The following PTPRN2 variants were observed in gnomAD, a reference collection of about 807,000 sequenced individuals.
PTPRN2 encodes receptor-type tyrosine-protein phosphatase N2.
PTPRN2 carries 74 observed loss-of-function variants against 118.8 expected under a neutral mutation model. The ratio of observed to expected loss-of-function variants is 0.62; its 90% CI spans 0.52 to 0.76. PTPRN2 has a LOEUF of 0.76. PTPRN2 is among the 30% of genes least tolerant of loss of function. The pLI is 0.00. For synonymous variants in PTPRN2, 641 were observed against 608.0 expected (o/e 1.05, Z -0.80); for missense variants, 1,481 against 1,394.4 (o/e 1.06, Z -0.99).
chr7:157,737,926 G>A (rs566413719), intron 12 of PTPRN2, among the ~76,000 whole-genome samples: 136 of 152,364 alleles, frequency 8.9e-4, no homozygotes, highest in African/African-American at 3.2e-3. Flanking sequence ...GGCCAGACCT[G>A]CAGCAGCAGG....
At chr7:158,196,874 G>A (rs1356116941) in intron 4 of PTPRN2, among the ~76,000 whole-genome samples, 3 of 152,164 alleles carry the variant, frequency 2.0e-5, no homozygotes, top group Non-Finnish European at 2.9e-5. Flanking sequence ...TACAAAGGTA[G>A]ACTTATGGCT....
intron 2 of PTPRN2, among the ~76,000 whole-genome samples, chr7:158,341,498 A>G (rs1271522110): frequency 2.2e-5 from 3 of 137,518 alleles, no homozygotes; most frequent in Non-Finnish European, 3.1e-5. Flanking sequence ...AATTGGTGAC[A>G]CGTGCAGACG....
Position 158,008,120 on chromosome 7 carries a change from T to G in PTPRN2, c.1723+73178A>C, listed in dbSNP as rs1037607854. Among the ~76,000 whole-genome samples, 6 of 136,452 alleles carry G rather than the reference T, an allele frequency of 4.4e-5. No individual in the cohort carries two copies. In the East Asian group the frequency reaches 8.7e-4, roughly 20 times the overall value. 89.5% of individuals were successfully genotyped at this position (136,452 alleles called of 152,430 possible). ...TGTGTGTGGGGGTGTGCTGTGTGTG[T>G]GGGTGTGTACATGTACACATGTGTG... is the stretch of plus-strand genomic sequence containing the variant. On this transcript the variant is annotated intron_variant, in intron 11 of 22. Coordinates refer to ENST00000389418, the MANE Select transcript of PTPRN2 (RefSeq NM_002847.5).
intron 3 of PTPRN2, among the ~76,000 whole-genome samples, chr7:158,225,517 T>C (rs1241905462): frequency 2.0e-5 from 3 of 152,204 alleles, no homozygotes; most frequent in Non-Finnish European, 4.4e-5. Flanking sequence ...CATAACCAAC[T>C]CTTGTGTCCT....
At chr7:158,238,099 C>A (rs886190935) in intron 3 of PTPRN2, among the ~76,000 whole-genome samples, 2 of 152,156 alleles carry the variant, frequency 1.3e-5, no homozygotes. Context: ...GGAACGTCCG[C>A]CCCGTCCTGC....
intron 11 of PTPRN2, among the ~76,000 whole-genome samples, chr7:158,005,791 A>G (rs1805596409): frequency 6.6e-6 from 1 of 152,244 alleles, no homozygotes; most frequent in East Asian, 1.9e-4. Context: ...GTCCTCATGC[A>G]CGCTGAGGCA....
rs114355153 is a variant in PTPRN2 at position 158,546,224 on chromosome 7, C to T, written c.112+41334G>A. ...CCTGAGAGGAACCATCAGGGAGCCTCGGTATCAGCATCACACTCCTGGTGA... is the reference window on the plus strand; with the variant it reads ...CCTGAGAGGAACCATCAGGGAGCCTTGGTATCAGCATCACACTCCTGGTGA... On this transcript the variant is annotated intron_variant, in intron 1 of 22. Transcript: ENST00000389418. This position sits in a 1 kb window ranked among gnomAD's most constrained non-coding sequence, Gnocchi z 5.0. Among the ~76,000 whole-genome samples, 35 of 152,268 alleles carry T rather than the reference C, an allele frequency of 2.3e-4. No homozygotes were observed. The highest frequency in any genetic ancestry group is 7.0e-4 in the African/African-American group (29 of 41,544).
chr7:157,573,611 C>G (rs1282949127), intron 19 of PTPRN2, among the ~76,000 whole-genome samples: 1 of 152,228 alleles, frequency 6.6e-6, no homozygotes, highest in African/African-American at 2.4e-5. Flanking sequence ...GAAAGGCCAG[C>G]ATAAGAAGTC....
At chr7:157,880,779 A>G (rs764541864) in intron 12 of PTPRN2, among the ~76,000 whole-genome samples, 1 of 152,234 alleles carries the variant, frequency 6.6e-6, no homozygotes, top group East Asian at 1.9e-4. Context: ...GTATTTATTC[A>G]TTAATTCACT....
At position 157,845,844 on chromosome 7, in the gene PTPRN2, C is replaced by T. The variant is rs186090281; in HGVS notation, c.1788+52829G>A. 2.6e-5 allele frequency among the ~76,000 whole-genome samples: 4 copies of T among 152,182 alleles called. No individual in the cohort carries two copies. Among genetic ancestry groups the T allele is most frequent in the East Asian group, 1.9e-4 (1 of 5,172 alleles). On this transcript the variant is annotated intron_variant, in intron 12 of 22. Coordinates refer to ENST00000389418, the MANE Select transcript of PTPRN2 (RefSeq NM_002847.5). The surrounding 1 kb of genome is among the most constrained non-coding windows in gnomAD (Gnocchi z 4.5). ...AGGGACGGAAGACAGAAGTGGATCC[C>T]GGCTCTCCACAAAACACAAAAATTA...
At chr7:158,060,785 C>T (rs193089556) in intron 11 of PTPRN2, among the ~76,000 whole-genome samples, 18 of 152,322 alleles carry the variant, frequency 1.2e-4, no homozygotes, top group Admixed American at 5.9e-4. Context: ...GAAGGTTTTG[C>T]AAAGCGATGA....
At chr7:158,124,529 G>A (rs562428201) in intron 9 of PTPRN2, among the ~76,000 whole-genome samples, 1 of 152,386 alleles carries the variant, frequency 6.6e-6, no homozygotes, top group East Asian at 1.9e-4. Context: ...CAAATTAATA[G>A]GCCATGGCCA....
chr7:158,578,536 G>GT (rs1828461367), intron 1 of PTPRN2, among the ~76,000 whole-genome samples: 1 of 28,702 alleles, frequency 3.5e-5, no homozygotes, highest in African/African-American at 1.3e-4. Flanking sequence ...CCCTGTCTCT[G>GT]TAAAAAAAAA....
chr7:157,874,715 G>GCA lies in PTPRN2; in HGVS notation c.1788+23956_1788+23957dup, dbSNP rs1047826928. Among the ~76,000 whole-genome samples the GCA allele has an allele frequency of 6.6e-6, 1 of 151,582 alleles. No individual in the cohort carries two copies. On this transcript the variant is annotated intron_variant, in intron 12 of 22. Transcript: ENST00000389418. This position sits in a 1 kb window ranked among gnomAD's most constrained non-coding sequence, Gnocchi z 5.8. ...GTAACCCAAGCAGACACACACTCAT[G>GCA]CACACACACACAGAGACACACTCAT... is the stretch of plus-strand genomic sequence containing the variant.
chr7:157,682,269 G>A (rs1230487761), intron 13 of PTPRN2, among the ~76,000 whole-genome samples: 1 of 152,166 alleles, frequency 6.6e-6, no homozygotes, highest in Non-Finnish European at 1.5e-5. Context: ...AGGCTTCACT[G>A]GACCGGACAA....
In PTPRN2 at chr7:157,893,476, C is replaced by T. The variant is rs534031513; in HGVS notation, c.1788+5197G>A. On this transcript the variant is annotated intron_variant, in intron 12 of 22. Transcript: ENST00000389418. This position sits in a 1 kb window ranked among gnomAD's most constrained non-coding sequence, Gnocchi z 4.0. Reference sequence around the variant, plus strand: ...CTTTCCAGAGTTAAATAGTCCACTTCACAGATAATCTGAGCAGCAATTCAG... The same window carrying T: ...CTTTCCAGAGTTAAATAGTCCACTTTACAGATAATCTGAGCAGCAATTCAG... 1.2e-4 allele frequency among the ~76,000 whole-genome samples: 18 copies of T among 152,340 alleles called. No individual in the cohort carries two copies. The highest frequency in any genetic ancestry group is 8.8e-5 in the Non-Finnish European group (6 of 68,028).
At chr7:158,240,414 G>A (rs1011044214) in intron 3 of PTPRN2, among the ~76,000 whole-genome samples, 4 of 152,210 alleles carry the variant, frequency 2.6e-5, no homozygotes, top group African/African-American at 9.6e-5. Context: ...AAGACCAGGT[G>A]TGTGGGCTTT....
chr7:158,280,009 C>T (rs1799307976), intron 3 of PTPRN2, among the ~76,000 whole-genome samples: 1 of 151,740 alleles, frequency 6.6e-6, no homozygotes, highest in African/African-American at 2.4e-5. Flanking sequence ...CCACCGCTGC[C>T]CCCGAACCCA....
At chr7:157,937,312 C>T (rs1443442532) in intron 11 of PTPRN2, among the ~76,000 whole-genome samples, 4 of 152,288 alleles carry the variant, frequency 2.6e-5, no homozygotes, top group East Asian at 3.9e-4. Flanking sequence ...CCAAAGTAAG[C>T]TGTGCTGGGG....
Sources: gnomAD v4.1 joint callset for allele counts (sites outside exome capture counted in the v4.1 genomes callset) on GRCh38, gnomAD v4.1.1 for gene constraint, Gnocchi (gnomAD v3.1) non-coding constraint, MANE v1.5 for transcripts, NCBI Gene and HGNC (gene_info 2026-07-23, HGNC 2026-07-21) for gene names.